Variants in LY86 observed in about 807,000 individuals in gnomAD.
The protein encoded by LY86 is lymphocyte antigen 86, also known as MD-1, RP105-associated.
Under a neutral mutation model 17.3 loss-of-function variants are expected in LY86, and 20 were observed. The observed-to-expected ratio is 1.15, with a 90% CI of 0.81 to 1.68. The LOEUF (loss-of-function observed/expected upper bound fraction) is 1.68, where lower values mean the gene tolerates loss of function less well. Among genes scored for constraint, LY86 ranks in the 40% most tolerant of loss-of-function variants. The pLI, the probability that LY86 is intolerant of heterozygous loss-of-function variation, is 0.00. For synonymous variants in LY86, 74 were observed against 70.6 expected, an observed-to-expected ratio of 1.05 and a Z score of -0.24; for missense variants, 200 against 191.9, an observed-to-expected ratio of 1.04 and a Z score of -0.25.
chr6:6,591,571 G>A (rs1760532092), intron 1 of LY86: 1 of 153,622 alleles, frequency 6.5e-6, no homozygotes, highest in Non-Finnish European at 1.5e-5. Flanking sequence ...AGGCCACCAG[G>A]CTAAGTACTT....
At chr6:6,605,249 A>G (rs1019030699) in intron 1 of LY86, among the ~76,000 whole-genome samples, 4 of 151,354 alleles carry the variant, frequency 2.6e-5, no homozygotes, top group African/African-American at 9.7e-5. Flanking sequence ...TTTGGCAGTT[A>G]AAAACAATAA....
intron 1 of LY86, among the ~76,000 whole-genome samples, chr6:6,615,009 A>G (rs1413889946): frequency 6.6e-6 from 1 of 152,218 alleles, no homozygotes; most frequent in Non-Finnish European, 1.5e-5. Flanking sequence ...ACACCTTGTG[A>G]AATGGTTTGT....
At chr6:6,591,827 A>G (rs1760539052) in intron 1 of LY86, among the ~76,000 whole-genome samples, 1 of 152,182 alleles carries the variant, frequency 6.6e-6, no homozygotes, top group Non-Finnish European at 1.5e-5. Context: ...AAGTGGACTA[A>G]AGGAGGGGTG....
chr6:6,631,033 C>A (rs1200735556), intron 3 of LY86, among the ~76,000 whole-genome samples: 1 of 151,994 alleles, frequency 6.6e-6, no homozygotes, highest in African/African-American at 2.4e-5. Context: ...TTAATTTCAA[C>A]TTTTAAAATG....
At chr6:6,622,107 T>C (rs369656032) in intron 1 of LY86, among the ~76,000 whole-genome samples, 2 of 152,230 alleles carry the variant, frequency 1.3e-5, no homozygotes, top group African/African-American at 4.8e-5. Flanking sequence ...AAGCAATCTG[T>C]CTTTCTGCTT....
At chr6:6,606,829 G>T (rs953279674) in intron 1 of LY86, among the ~76,000 whole-genome samples, 2 of 152,262 alleles carry the variant, frequency 1.3e-5, no homozygotes, top group Non-Finnish European at 2.9e-5. Flanking sequence ...CCCGCAAGCT[G>T]AGGGAGCGGG....
At chr6:6,604,698 A>G (rs1290891117) in intron 1 of LY86, among the ~76,000 whole-genome samples, 1 of 152,250 alleles carries the variant, frequency 6.6e-6, no homozygotes, top group Non-Finnish European at 1.5e-5. Context: ...TTTATTAGCC[A>G]GAGATATCAG....
intron 4 of LY86, 142 bp from the exon 5 acceptor site, chr6:6,654,402 C>A (rs1041516236): frequency 4.7e-6 from 3 of 644,476 alleles, no homozygotes; most frequent in Admixed American, 2.5e-5. Context: ...CTCCACAGGG[C>A]AGGGGTTGGC....
At chr6:6,645,493 A>G (rs4960226) in intron 3 of LY86, among the ~76,000 whole-genome samples, 90,947 of 151,828 alleles carry the variant, frequency 0.6, 27,747 homozygotes, top group African/African-American at 0.71. Flanking sequence ...CTAGTGAGTC[A>G]GAGAGCTGGG....
At chr6:6,629,990 T>C (rs2113145502) in intron 3 of LY86, among the ~76,000 whole-genome samples, 1 of 152,338 alleles carries the variant, frequency 6.6e-6, no homozygotes, top group South Asian at 2.1e-4. Flanking sequence ...AAAAGTGTAG[T>C]CACTGTTGAA....
chr6:6,612,742 T>TC (rs1206680355), intron 1 of LY86, among the ~76,000 whole-genome samples: 1 of 152,156 alleles, frequency 6.6e-6, no homozygotes, highest in Non-Finnish European at 1.5e-5. Context: ...GTTCTCCAGT[T>TC]CCCCACTAGA....
intron 1 of LY86, among the ~76,000 whole-genome samples, chr6:6,612,481 A>AC (rs1357254076): frequency 3.9e-5 from 6 of 151,960 alleles, no homozygotes; most frequent in Non-Finnish European, 5.9e-5. Flanking sequence ...ATGCAGACCC[A>AC]AAGTGTAAAC....
intron 3 of LY86, among the ~76,000 whole-genome samples, 178 bp from the exon 4 acceptor site, chr6:6,649,447 T>C (rs576090437): frequency 6.6e-6 from 1 of 152,370 alleles, no homozygotes; most frequent in South Asian, 2.1e-4. Flanking sequence ...ATTTGTGGCA[T>C]GAATGAATAA....
chr6:6,641,837 C>T (rs759419800), intron 3 of LY86, among the ~76,000 whole-genome samples: 2 of 152,210 alleles, frequency 1.3e-5, no homozygotes, highest in African/African-American at 2.4e-5. Context: ...GGCTGGGGTG[C>T]CAGGAAGCCA....
At chr6:6,590,339 A>G (rs763681595) in intron 1 of LY86, among the ~76,000 whole-genome samples, 1 of 152,154 alleles carries the variant, frequency 6.6e-6, no homozygotes, top group Non-Finnish European at 1.5e-5. Context: ...CAACATGGAT[A>G]TTCTAGACAA....
At chr6:6,601,674 C>T (rs1299246352) in intron 1 of LY86, among the ~76,000 whole-genome samples, 2 of 151,724 alleles carry the variant, frequency 1.3e-5, no homozygotes, top group African/African-American at 4.8e-5. Context: ...GAGCAGAGAT[C>T]GTGCCACTGC....
intron 1 of LY86, among the ~76,000 whole-genome samples, chr6:6,589,518 A>T (rs2113064455): frequency 6.6e-6 from 1 of 152,366 alleles, no homozygotes; most frequent in African/African-American, 2.4e-5. Flanking sequence ...AAGAGAATGC[A>T]GTGAACTGTG....
chr6:6,612,521 G>A (rs905437502), intron 1 of LY86, among the ~76,000 whole-genome samples: 20 of 149,594 alleles, frequency 1.3e-4, no homozygotes, highest in South Asian at 1.1e-3. Flanking sequence ...AAAAGCAAAA[G>A]AACAAACCAA....
At position 6,628,468 on chromosome 6, in the gene LY86, C is replaced by T. The variant is rs141704416; in HGVS notation, c.352+2047C>T. On this transcript the variant is annotated intron_variant, in intron 3 of 4. Transcript: ENST00000230568. ...CATGTGCAACATTATTTGGATGGTC[C>T]CCTTAGCATGTGTGGCCCACTTGCT... 1.4e-4 allele frequency among the ~76,000 whole-genome samples: 21 copies of T among 152,056 alleles called. No individual in the cohort carries two copies. In the East Asian group the frequency reaches 3.9e-3, roughly 28 times the overall value.
Sources: gnomAD v4.1 joint callset for allele counts (sites outside exome capture counted in the v4.1 genomes callset) on GRCh38, gnomAD v4.1.1 for gene constraint, MANE v1.5 for transcripts, NCBI Gene and HGNC (gene_info 2026-07-23, HGNC 2026-07-21) for gene names.